The following FAM169A variants were observed in gnomAD, a reference collection of about 807,000 sequenced individuals.
The protein encoded by FAM169A is family with sequence similarity 169 member A, also known as soluble lamin-associated protein of 75 kDa.
A neutral mutation model predicts 75.7 loss-of-function variants in FAM169A; 24 were observed. That is an observed-to-expected ratio of 0.32 (90% CI 0.23 to 0.45). The LOEUF (loss-of-function observed/expected upper bound fraction) is 0.45. FAM169A is among the 20% of genes least tolerant of loss of function. FAM169A has a pLI of 1.00. For missense variants in FAM169A, 673 were observed against 784.0 expected (o/e 0.86, Z 1.69); for synonymous variants, 271 against 271.0 (o/e 1.00, Z 0.00).
rs1047604105 is a variant in FAM169A at position 74,779,032 on chromosome 5, C to T, written c.*2428G>A. 6.6e-6 allele frequency: 1 copy of T among 152,088 alleles called. No individual in the cohort carries two copies. Among genetic ancestry groups the T allele is most frequent in the Non-Finnish European group, 1.5e-5 (1 of 67,950 alleles). The allele number at this position is 152,088 out of a possible 1,614,324, so 9.4% of individuals were successfully genotyped here. A position where few individuals can be genotyped will look rare whatever the true frequency, so the allele number is the denominator to read the frequency against. The stretch of plus-strand genomic sequence containing the variant: ...TTTTTCCAAGTGATCTAACTTTTCC[C>T]TCTATAATCTATAAACCCCAAAATA... On this transcript the variant is annotated 3_prime_UTR_variant, in exon 13 of 13. Transcript: ENST00000687041.
chr5:74,787,022 G>C (rs1745730574), intron 11 of FAM169A, among the ~76,000 whole-genome samples: 2 of 152,166 alleles, frequency 1.3e-5, no homozygotes, highest in Admixed American at 1.3e-4. Flanking sequence ...AGCCCTGTTT[G>C]CTTCTAGACC....
At chr5:74,807,016 G>A (rs1018342959) in intron 6 of FAM169A, among the ~76,000 whole-genome samples, 1 of 152,164 alleles carries the variant, frequency 6.6e-6, no homozygotes, top group African/African-American at 2.4e-5. Flanking sequence ...CTCTGCTGGT[G>A]GGATAATAAT....
intron 1 of FAM169A, among the ~76,000 whole-genome samples, chr5:74,854,261 G>A (rs1007029106): frequency 6.6e-6 from 1 of 152,082 alleles, no homozygotes; most frequent in Non-Finnish European, 1.5e-5. Context: ...CAGGTATGGT[G>A]GCGGATGCCT....
At chr5:74,815,169 T>TA (rs1468490531) in intron 5 of FAM169A, among the ~76,000 whole-genome samples, 1 of 146,376 alleles carries the variant, frequency 6.8e-6, no homozygotes, top group Non-Finnish European at 1.5e-5. Flanking sequence ...GTAATATACT[T>TA]AGATATTTTT....
intron 1 of FAM169A, 70 bp downstream of exon 1, chr5:74,866,095 G>T: frequency 1.3e-6 from 1 of 795,982 alleles, no homozygotes; most frequent in Non-Finnish European, 1.5e-6. Flanking sequence ...TGCTGGCGGG[G>T]GCGCGGGGCC....
chr5:74,820,987 C>A (rs1747739459), intron 5 of FAM169A, among the ~76,000 whole-genome samples: 1 of 152,176 alleles, frequency 6.6e-6, no homozygotes, highest in Non-Finnish European at 1.5e-5. Flanking sequence ...CTGAAAATTT[C>A]TTCTCCTGAT....
At chr5:74,841,008 T>C (rs946136487) in intron 2 of FAM169A, among the ~76,000 whole-genome samples, 4 of 152,122 alleles carry the variant, frequency 2.6e-5, no homozygotes, top group African/African-American at 9.7e-5. Context: ...CTTTAAAAAA[T>C]TCTTTAAGTC....
At chr5:74,791,616 G>A (rs1445652382) in intron 11 of FAM169A, among the ~76,000 whole-genome samples, 1 of 152,176 alleles carries the variant, frequency 6.6e-6, no homozygotes, top group African/African-American at 2.4e-5. Flanking sequence ...CCACAATGGA[G>A]GTAAGGAAGA....
chr5:74,814,566 A>C (rs981186110), intron 5 of FAM169A, among the ~76,000 whole-genome samples: 1 of 152,170 alleles, frequency 6.6e-6, no homozygotes, highest in Non-Finnish European at 1.5e-5. Context: ...ATTTTTAAGG[A>C]CTATAAATTG....
At chr5:74,782,578 C>G (rs1580067142) in intron 12 of FAM169A, among the ~76,000 whole-genome samples, 1 of 152,204 alleles carries the variant, frequency 6.6e-6, no homozygotes, top group East Asian at 1.9e-4. Flanking sequence ...AATCTGTCTG[C>G]CTAATTAAAA....
intron 4 of FAM169A, among the ~76,000 whole-genome samples, chr5:74,836,793 C>G (rs1266609655): frequency 6.6e-6 from 1 of 152,052 alleles, no homozygotes; most frequent in Non-Finnish European, 1.5e-5. Context: ...ACTAAAAATA[C>G]AAAAATTAGC....
chr5:74,803,325 G>C (rs977668964), intron 8 of FAM169A, among the ~76,000 whole-genome samples: 1 of 151,962 alleles, frequency 6.6e-6, no homozygotes, highest in African/African-American at 2.4e-5. Flanking sequence ...GACTGCAGTA[G>C]AACAGGAGCT....
intron 5 of FAM169A, among the ~76,000 whole-genome samples, chr5:74,830,669 A>C (rs1023595574): frequency 2.0e-5 from 3 of 152,188 alleles, no homozygotes; most frequent in Admixed American, 2.0e-4. Context: ...ATGACTATAC[A>C]TCACATATCT....
rs540192188 is a variant in FAM169A, at chr5:74,822,738, A to G, written c.491-8719T>C. On this transcript the variant is annotated intron_variant, in intron 5 of 12. Coordinates refer to ENST00000687041, the MANE Select transcript of FAM169A (RefSeq NM_001376049.1). Reference sequence around the variant, plus strand: ...TCCATGTGCTCCAACTTACATTTCTATGTTATGTCTACTTACATATGCCTT... The same window carrying G: ...TCCATGTGCTCCAACTTACATTTCTGTGTTATGTCTACTTACATATGCCTT... 1.1e-4 allele frequency among the ~76,000 whole-genome samples: 16 copies of G among 152,264 alleles called. No homozygotes were observed. In the East Asian group the frequency reaches 3.1e-3, roughly 29 times the overall value.
intron 5 of FAM169A, among the ~76,000 whole-genome samples, chr5:74,826,444 T>C (rs1748031288): frequency 6.6e-6 from 1 of 152,210 alleles, no homozygotes; most frequent in South Asian, 2.1e-4. Flanking sequence ...GGGAACCATT[T>C]ATATTGGTAT....
chr5:74,813,869 C>A lies in FAM169A; in HGVS notation c.641G>T (p.Arg214Leu), dbSNP rs868101606. Residue 214 changes from arginine to leucine, a missense_variant, in exon 6 of 13, where the codon CGG (arginine) becomes CTG (leucine). Physicochemically the swap from Arg to Leu is moderately radical, Grantham distance 102. This residue lies in a region of FAM169A where 510 missense variants were observed against 550.9 expected (regional missense o/e 0.93). Transcript: ENST00000687041. ...ATACATGAGAGAAGACAGTGGATAC[C>A]GCAAGCCAAGCGCATCTTCTGTAAA... is the stretch of plus-strand genomic sequence containing the variant. ...DSFTEDALGL[R>L]YPLSSLMYTA... 2 of 1,595,332 alleles carry A rather than the reference C, an allele frequency of 1.3e-6. No individual in the cohort carries two copies. The highest frequency in any genetic ancestry group is 3.3e-4 in the Middle Eastern group (2 of 5,990).
At chr5:74,861,457 C>T (rs1257322009) in intron 1 of FAM169A, among the ~76,000 whole-genome samples, 1 of 152,118 alleles carries the variant, frequency 6.6e-6, no homozygotes, top group Non-Finnish European at 1.5e-5. Context: ...CAAAGTTGAC[C>T]AGACATAGTG....
At chr5:74,813,725 G>T in intron 6 of FAM169A, 115 bp downstream of exon 6, 4 of 665,638 alleles carry the variant, frequency 6.0e-6, no homozygotes, top group Non-Finnish European at 9.2e-6. Flanking sequence ...GTTCTAGAGA[G>T]CCTAAGGTTC....
intron 10 of FAM169A, chr5:74,800,025 A>G: frequency 1.3e-6 from 1 of 765,944 alleles, no homozygotes; most frequent in East Asian, 2.7e-5. Flanking sequence ...CAAATATTGC[A>G]CTACTGGCAT....
Sources: gnomAD v4.1 joint callset for allele counts (sites outside exome capture counted in the v4.1 genomes callset) on GRCh38, gnomAD v4.1.1 for gene constraint, gnomAD v4.1.1 regional missense constraint, MANE v1.5 for transcripts, NCBI Gene and HGNC (gene_info 2026-07-23, HGNC 2026-07-21) for gene names.